The following TULP3 variants were observed in gnomAD, a reference collection of about 807,000 sequenced individuals.
TULP3 encodes TUB like protein 3, also known as tubby-related protein 3.
In TULP3, 38 loss-of-function variants were observed where a neutral mutation model predicts 50.7. The ratio of observed to expected loss-of-function variants is 0.75; its 90% CI spans 0.58 to 0.98. The LOEUF (loss-of-function observed/expected upper bound fraction) is 0.98. Ranked by LOEUF, TULP3 falls within the 50% of genes least tolerant of loss-of-function variation. The pLI is 0.00. For synonymous variants in TULP3, 183 were observed against 196.6 expected (o/e 0.93, Z 0.58); for missense variants, 550 against 568.0 (o/e 0.97, Z 0.32).
intron 4 of TULP3, among the ~76,000 whole-genome samples, chr12:2,928,808 C>T (rs1365168361): frequency 2.0e-5 from 3 of 151,480 alleles, no homozygotes; most frequent in Admixed American, 6.6e-5. Context: ...AGCTGGGCTT[C>T]GTGGCGCACA....
chr12:2,901,815 A>G (rs1209632331), intron 1 of TULP3, among the ~76,000 whole-genome samples: 3 of 152,152 alleles, frequency 2.0e-5, no homozygotes, highest in Non-Finnish European at 2.9e-5. Flanking sequence ...TCATAACAGT[A>G]TCTTTGCAGA....
At chr12:2,894,465 G>A (rs955028930) in intron 1 of TULP3, among the ~76,000 whole-genome samples, 1 of 152,006 alleles carries the variant, frequency 6.6e-6, no homozygotes, top group African/African-American at 2.4e-5. Context: ...AACCAGGGAG[G>A]TGGAGGTTGC....
At chr12:2,933,359 C>A in intron 6 of TULP3, 59 bp from the exon 7 acceptor site, 1 of 1,034,786 alleles carries the variant, frequency 9.7e-7, no homozygotes, top group Non-Finnish European at 1.5e-6. Context: ...ACAACCATGA[C>A]CAGAGGTGGG....
intron 2 of TULP3, among the ~76,000 whole-genome samples, chr12:2,917,156 A>G (rs2098189095): frequency 6.6e-6 from 1 of 152,206 alleles, no homozygotes; most frequent in Non-Finnish European, 1.5e-5. Flanking sequence ...GTGTGTATTC[A>G]TGTCTACTGT....
chr12:2,938,787 A>T (rs1465862745), intron 10 of TULP3, among the ~76,000 whole-genome samples: 1 of 151,922 alleles, frequency 6.6e-6, no homozygotes, highest in South Asian at 2.1e-4. Flanking sequence ...TCTCAGAAAA[A>T]AATAAAAAAT....
chr12:2,923,874 G>T (rs1047588804), intron 4 of TULP3, among the ~76,000 whole-genome samples: 1 of 151,714 alleles, frequency 6.6e-6, no homozygotes, highest in African/African-American at 2.4e-5. Context: ...CAGCTACTTG[G>T]GGGGCTGAGG....
chr12:2,903,334 G>A (rs1394055718), intron 1 of TULP3, among the ~76,000 whole-genome samples: 8 of 151,702 alleles, frequency 5.3e-5, no homozygotes, highest in South Asian at 4.1e-4. Context: ...AGGCTGAGGC[G>A]GGTGGATCAC....
chr12:2,940,802 G>C lies in TULP3; in HGVS notation c.*1358G>C, dbSNP rs2098204379. ...AGTCCCACCTGCTGGGTGAGGACGA[G>C]ACTGTTTCCATCTCAGGCATGTATC... is the stretch of plus-strand genomic sequence containing the variant. On this transcript the variant is annotated 3_prime_UTR_variant, in exon 11 of 11. Coordinates refer to ENST00000448120, the MANE Select transcript of TULP3 (RefSeq NM_003324.5). The C allele has an allele frequency of 2.2e-6, 3 of 1,335,350 alleles. No homozygotes were observed. The highest frequency in any genetic ancestry group is 3.1e-6 in the Non-Finnish European group (3 of 978,006). 82.7% of individuals were successfully genotyped at this position (1,335,350 alleles called of 1,614,324 possible).
intron 6 of TULP3, among the ~76,000 whole-genome samples, chr12:2,933,140 A>C (rs1006540023): frequency 1.3e-5 from 2 of 151,984 alleles, no homozygotes; most frequent in African/African-American, 4.8e-5. Context: ...GACAGGGTTT[A>C]CGGTGTTAGC....
At chr12:2,909,681 C>T (rs1372404448) in intron 2 of TULP3, 101 bp downstream of exon 2, 5 of 1,252,862 alleles carry the variant, frequency 4.0e-6, no homozygotes, top group Non-Finnish European at 5.6e-6. Flanking sequence ...GGAAAGAAGA[C>T]TGGAAAGGAG....
chr12:2,930,899 T>G, intron 5 of TULP3, 138 bp from the exon 6 acceptor site: 1 of 927,842 alleles, frequency 1.1e-6, no homozygotes. Flanking sequence ...TTAATTTAAC[T>G]TTTCAGTTTT....
At chr12:2,904,283 G>A (rs1398004333) in intron 1 of TULP3, among the ~76,000 whole-genome samples, 1 of 152,136 alleles carries the variant, frequency 6.6e-6, no homozygotes, top group Non-Finnish European at 1.5e-5. Flanking sequence ...TGTACACTGT[G>A]CAGTGTTGTA....
At chr12:2,906,456 G>A (rs1386497749) in intron 1 of TULP3, among the ~76,000 whole-genome samples, 1 of 151,428 alleles carries the variant, frequency 6.6e-6, no homozygotes, top group Non-Finnish European at 1.5e-5. Flanking sequence ...AGCCTCCTGA[G>A]TAGCTGGGAT....
At chr12:2,910,726 T>G (rs940213608) in intron 2 of TULP3, among the ~76,000 whole-genome samples, 1 of 152,174 alleles carries the variant, frequency 6.6e-6, no homozygotes, top group Non-Finnish European at 1.5e-5. Flanking sequence ...GCCTAATAAA[T>G]TATTTTAAAG....
At chr12:2,935,254 T>C (rs2098200416) in intron 8 of TULP3, among the ~76,000 whole-genome samples, 1 of 152,234 alleles carries the variant, frequency 6.6e-6, no homozygotes, top group Non-Finnish European at 1.5e-5. Context: ...CACACTCATC[T>C]TTCCTCCTTG....
Position 2,940,238 on chromosome 12 carries a change from A to G in TULP3, c.*794A>G. ...TATGACTACGGATCCATTAGTGAGGAGCGACACACACACCTGTAGGCATCC... is the reference window on the plus strand; with the variant it reads ...TATGACTACGGATCCATTAGTGAGGGGCGACACACACACCTGTAGGCATCC... On this transcript the variant is annotated 3_prime_UTR_variant, in exon 11 of 11. Coordinates refer to ENST00000448120, the MANE Select transcript of TULP3 (RefSeq NM_003324.5). 1 of 1,359,718 alleles carries G rather than the reference A, an allele frequency of 7.4e-7. No individual in the cohort carries two copies. Among genetic ancestry groups the G allele is most frequent in the Non-Finnish European group, 9.7e-7 (1 of 1,035,980 alleles). The allele number at this position is 1,359,718 out of a possible 1,614,324, so 84.2% of individuals were successfully genotyped here.
intron 1 of TULP3, among the ~76,000 whole-genome samples, chr12:2,901,033 C>T (rs2098178914): frequency 6.6e-6 from 1 of 151,762 alleles, no homozygotes; most frequent in Admixed American, 6.6e-5. Flanking sequence ...ACACACTTAC[C>T]TAATGACTAA....
In TULP3 at chr12:2,920,745, A is replaced by T. The variant is rs1382583418; in HGVS notation, c.94-18A>T. On this transcript the variant is annotated intron_variant, in intron 2 of 10. Coordinates refer to ENST00000448120, the MANE Select transcript of TULP3 (RefSeq NM_003324.5). ...GTCAAAACTCTCCTTGCTGGCTGTC[A>T]TATCGCTTTTTTCCCAGAGGCTACT... The T allele has an allele frequency of 6.2e-7, 1 of 1,613,368 alleles. No individual in the cohort carries two copies. Among genetic ancestry groups the T allele is most frequent in the Non-Finnish European group, 8.5e-7 (1 of 1,179,610 alleles).
intron 6 of TULP3, among the ~76,000 whole-genome samples, chr12:2,933,143 G>A (rs10848751): frequency 6.6e-6 from 1 of 151,774 alleles, no homozygotes; most frequent in South Asian, 2.1e-4. Flanking sequence ...AGGGTTTACG[G>A]TGTTAGCCAG....
Sources: allele counts gnomAD v4.1 joint callset (sites outside exome capture counted in the v4.1 genomes callset), GRCh38; gene constraint gnomAD v4.1.1; transcripts MANE v1.5; gene names NCBI Gene and HGNC (gene_info 2026-07-23, HGNC 2026-07-21).